IL1RAPL2: variants seen among roughly 807,000 people sequenced by gnomAD.
IL1RAPL2 encodes interleukin 1 receptor accessory protein like 2, also known as X-linked interleukin-1 receptor accessory protein-like 2.
IL1RAPL2 carries 3 observed loss-of-function variants against 44.1 expected under a neutral mutation model. The ratio of observed to expected loss-of-function variants is 0.07; its 90% confidence interval spans 0.03 to 0.18. The LOEUF (loss-of-function observed/expected upper bound fraction) is 0.18. Ranked by LOEUF, IL1RAPL2 falls within the 10% of genes least tolerant of loss-of-function variation. The pLI, the probability that IL1RAPL2 is intolerant of heterozygous loss-of-function variation, is 1.00. For missense variants in IL1RAPL2, 391 were observed against 496.4 expected, an observed-to-expected ratio of 0.79 and a Z score of 2.02; for synonymous variants, 181 against 178.8, an observed-to-expected ratio of 1.01 and a Z score of -0.10.
intron 6 of IL1RAPL2, among the ~76,000 whole-genome samples, chrX:105,629,244 T>A (rs1016295845): frequency 1.8e-5 from 2 of 111,762 alleles, no homozygotes; most frequent in Admixed American, 1.9e-4. Context: ...TTGATCCTTG[T>A]ATGCCTGAAC....
intron 2 of IL1RAPL2, among the ~76,000 whole-genome samples, chrX:104,884,777 A>G (rs967717441): frequency 4.5e-5 from 5 of 111,386 alleles, no homozygotes; most frequent in Non-Finnish European, 1.9e-5. Flanking sequence ...AAAGCTTGCA[A>G]TTTACATCCC....
At position 105,114,402 on chromosome X, in the gene IL1RAPL2, G is replaced by A. The variant is rs187267616; in HGVS notation, c.83-81073G>A. Among the ~76,000 whole-genome samples, 207 of 112,457 alleles carry A rather than the reference G, an allele frequency of 1.8e-3. 1 individual carries two copies. Among genetic ancestry groups the A allele is most frequent in the Non-Finnish European group, 2.1e-3 (110 of 53,314 alleles). On this transcript the variant is annotated intron_variant, in intron 2 of 10. Coordinates refer to ENST00000372582, the MANE Select transcript of IL1RAPL2 (RefSeq NM_017416.2). ...CAGATTAAGGCAATGAGTCTAATAA[G>A]AATATCTACTGTTTGGAGTTTTAGG...
At chrX:104,860,983 T>C (rs186756219) in intron 2 of IL1RAPL2, among the ~76,000 whole-genome samples, 2 of 111,315 alleles carry the variant, frequency 1.8e-5, no homozygotes, top group Non-Finnish European at 3.8e-5. Context: ...CCTTGGTGCA[T>C]ATGATCTGGC....
At chrX:105,659,526 G>A (rs1467200360) in intron 6 of IL1RAPL2, among the ~76,000 whole-genome samples, 2 of 108,235 alleles carry the variant, frequency 1.8e-5, no homozygotes, top group East Asian at 2.9e-4. Context: ...GCGTGGTGGC[G>A]GGCGCCTGTA....
At chrX:104,578,617 A>G (rs1377964990) in intron 1 of IL1RAPL2, among the ~76,000 whole-genome samples, 1 of 111,631 alleles carries the variant, frequency 9.0e-6, no homozygotes, top group Non-Finnish European at 1.9e-5. Context: ...AACAAAGATA[A>G]GAGGTGAAGA....
rs2033720768 is a variant in IL1RAPL2 at position 105,201,928 on chromosome X, A to T, written c.356+6180A>T. Among the ~76,000 whole-genome samples the T allele has an allele frequency of 2.7e-5, 3 of 111,646 alleles. No homozygotes were observed. The Admixed American group carries it at 2.9e-4, about 11-fold the overall frequency. On this transcript the variant is annotated intron_variant, in intron 3 of 10. Transcript: ENST00000372582. ...GAGACAGCAGGAATTTCATTCCCGA[A>T]ATGAAATGTAATTAGTTATTTTTCT...
At chrX:105,592,583 T>C (rs368681118) in intron 6 of IL1RAPL2, among the ~76,000 whole-genome samples, 2 of 111,894 alleles carry the variant, frequency 1.8e-5, no homozygotes, top group South Asian at 3.7e-4. Flanking sequence ...ATCCTTTCCA[T>C]ATCTAGCACT....
rs182104202 is a variant in IL1RAPL2, at chrX:105,346,932, T to C, written c.697+79391T>C. On this transcript the variant is annotated intron_variant, in intron 5 of 10. Coordinates refer to ENST00000372582, the MANE Select transcript of IL1RAPL2 (RefSeq NM_017416.2). ...CAGCCTTCTTCACTTTTAGCAGATA[T>C]AACACATAGATTGTCCTTGGTGAGA... 5.8e-3 allele frequency among the ~76,000 whole-genome samples: 652 copies of C among 112,072 alleles called. 2 individuals are homozygous for C. The highest frequency in any genetic ancestry group is 8.4e-3 in the Non-Finnish European group (445 of 53,182).
chrX:104,863,038 GAAATA>G (rs1248781969), intron 2 of IL1RAPL2, among the ~76,000 whole-genome samples: 1 of 111,736 alleles, frequency 8.9e-6, no homozygotes, highest in Admixed American at 9.6e-5. Flanking sequence ...AACCAATTGA[GAAATA>G]AAACACAATG....
intron 2 of IL1RAPL2, among the ~76,000 whole-genome samples, chrX:105,151,153 G>C (rs2033223519): frequency 8.9e-6 from 1 of 111,969 alleles, no homozygotes; most frequent in African/African-American, 3.3e-5. Context: ...GTACAACTGT[G>C]GTGCTTGGTG....
At chrX:105,334,902 G>C (rs1165153859) in intron 5 of IL1RAPL2, among the ~76,000 whole-genome samples, 1 of 110,502 alleles carries the variant, frequency 9.0e-6, no homozygotes, top group Non-Finnish European at 1.9e-5. Flanking sequence ...TTGAAAACTA[G>C]TTATTTGGAA....
At chrX:104,658,468 G>T (rs1195340814) in intron 1 of IL1RAPL2, among the ~76,000 whole-genome samples, 1 of 111,863 alleles carries the variant, frequency 8.9e-6, no homozygotes, top group Non-Finnish European at 1.9e-5. Flanking sequence ...CTTCTGGTGG[G>T]GTGGGAGGCA....
At chrX:105,357,657 A>G (rs2035213326) in intron 5 of IL1RAPL2, among the ~76,000 whole-genome samples, 1 of 111,284 alleles carries the variant, frequency 9.0e-6, no homozygotes, top group African/African-American at 3.3e-5. Context: ...TTTGCTAAAA[A>G]AAAAATCAGG....
In IL1RAPL2 at chrX:104,616,206, GTTGTTTTGTT is replaced by G. The variant is rs754057957; in HGVS notation, c.-19-42676_-19-42667del. Among the ~76,000 whole-genome samples, 11 of 112,015 alleles carry G rather than the reference GTTGTTTTGTT, an allele frequency of 9.8e-5. No individual in the cohort carries two copies. In the Middle Eastern group the frequency reaches 0.023, roughly 239 times the overall value. Reference sequence around the variant, plus strand: ...CTCTGATGATAGTTGTTTTTCTGTTGTTGTTTTGTTTTGTTTTGTTTTTGCTGTGCAGAAT... The same window carrying G: ...CTCTGATGATAGTTGTTTTTCTGTTGTTGTTTTGTTTTTGCTGTGCAGAAT... On this transcript the variant is annotated intron_variant, in intron 1 of 10. Transcript: ENST00000372582.
intron 5 of IL1RAPL2, among the ~76,000 whole-genome samples, chrX:105,285,872 C>A (rs774676526): frequency 8.9e-6 from 1 of 112,107 alleles, no homozygotes; most frequent in East Asian, 2.8e-4. Context: ...GGATTTCTGA[C>A]ATTTTCCAGA....
At chrX:105,755,860 A>C (rs1236479174) in intron 10 of IL1RAPL2, among the ~76,000 whole-genome samples, 1 of 111,947 alleles carries the variant, frequency 8.9e-6, no homozygotes, top group East Asian at 2.8e-4. Context: ...TACTTAAATT[A>C]TTTTCAAGAC....
chrX:104,983,454 TATA>T (rs1482418500), intron 2 of IL1RAPL2, among the ~76,000 whole-genome samples: 9 of 97,656 alleles, frequency 9.2e-5, no homozygotes, highest in East Asian at 3.0e-4. Flanking sequence ...CATAATATTA[TATA>T]ATATTAGATA....
chrX:104,883,642 A>G (rs1018779380), intron 2 of IL1RAPL2, among the ~76,000 whole-genome samples: 1 of 110,943 alleles, frequency 9.0e-6, no homozygotes, highest in African/African-American at 3.3e-5. Flanking sequence ...ACCACTCCCT[A>G]TCTCTGGTGC....
chrX:104,821,827 T>C, intron 2 of IL1RAPL2, among the ~76,000 whole-genome samples: 1 of 112,136 alleles, frequency 8.9e-6, no homozygotes, highest in Non-Finnish European at 1.9e-5. Flanking sequence ...CACACTGTCT[T>C]CCACAATGGT....
Sources: gnomAD v4.1 joint callset for allele counts (sites outside exome capture counted in the v4.1 genomes callset) on GRCh38, gnomAD v4.1.1 for gene constraint, MANE v1.5 for transcripts, NCBI Gene and HGNC (gene_info 2026-07-23, HGNC 2026-07-21) for gene names.